Variants in MPDZ observed in about 807,000 individuals in gnomAD.
MPDZ encodes multiple PDZ domain crumbs cell polarity complex component.
MPDZ carries 234 observed loss-of-function variants against 239.1 expected under a neutral mutation model. The observed-to-expected ratio is 0.98, with a 90% CI of 0.88 to 1.09. The LOEUF (loss-of-function observed/expected upper bound fraction) is 1.09. Ranked by LOEUF, MPDZ falls within the 50% of genes least tolerant of loss-of-function variation. MPDZ has a pLI of 0.00. For missense variants in MPDZ, 3,175 were observed against 2,510.0 expected (o/e 1.26, Z -5.66); for synonymous variants, 1,048 against 881.3 (o/e 1.19, Z -3.35).
At chr9:13,202,918 T>A (rs917425139) in intron 12 of MPDZ, among the ~76,000 whole-genome samples, 3 of 152,164 alleles carry the variant, frequency 2.0e-5, no homozygotes, top group African/African-American at 7.2e-5. Flanking sequence ...TGTATGTATA[T>A]AGGAAGAAGG....
rs776927125 is a variant in MPDZ, at chr9:13,168,490, G to A, written c.3130C>T (p.Arg1044Ter). The A allele has an allele frequency of 4.3e-6, 7 of 1,613,216 alleles. No individual in the cohort carries two copies. The highest frequency in any genetic ancestry group is 2.2e-5 in the East Asian group (1 of 44,852). Reference protein sequence around the residue: ...RSIIHGGAISRDGRIAIGDCI... With the variant: ...RSIIHGGAIS ...TCCCCAATGGCAATCCGGCCATCTC[G>A]ACTAATGGCACCTCCATGAATAATG... is the stretch of plus-strand genomic sequence containing the variant. Residue 1044 changes from arginine (R) to a stop codon, truncating the protein, a stop_gained, in exon 22 of 47, where the codon CGA (arginine) becomes TGA (stop). Transcript: ENST00000319217. LOFTEE classifies it high-confidence loss of function.
intron 43 of MPDZ, among the ~76,000 whole-genome samples, chr9:13,111,792 T>C (rs768783229): frequency 1.3e-5 from 2 of 152,232 alleles, no homozygotes; most frequent in Non-Finnish European, 2.9e-5. Flanking sequence ...TAAAAATATG[T>C]ATTAGGAAAC....
intron 19 of MPDZ, among the ~76,000 whole-genome samples, chr9:13,180,784 G>T: frequency 6.6e-6 from 1 of 152,220 alleles, no homozygotes; most frequent in East Asian, 1.9e-4. Context: ...CCATAGAGGC[G>T]GGTATATTTT....
At chr9:13,245,009 T>A (rs949975882) in intron 3 of MPDZ, among the ~76,000 whole-genome samples, 1 of 152,156 alleles carries the variant, frequency 6.6e-6, no homozygotes, top group Non-Finnish European at 1.5e-5. Context: ...GTCATGCATA[T>A]AAAATTATAC....
At chr9:13,145,136 T>G (rs1197971069) in intron 26 of MPDZ, among the ~76,000 whole-genome samples, 1 of 152,048 alleles carries the variant, frequency 6.6e-6, no homozygotes, top group African/African-American at 2.4e-5. Flanking sequence ...AAGTATAGCA[T>G]AGGCACAGCA....
rs185355177 is a variant in MPDZ, at chr9:13,117,701, G to A, written c.5379+1801C>T. 4.4e-3 allele frequency among the ~76,000 whole-genome samples: 663 copies of A among 152,196 alleles called. 5 individuals carry two copies. Among genetic ancestry groups the A allele is most frequent in the Middle Eastern group, 0.014 (4 of 294 alleles). On this transcript the variant is annotated intron_variant, in intron 39 of 46. Coordinates refer to ENST00000319217, the MANE Select transcript of MPDZ (RefSeq NM_001378778.1). ...ACTCTATGTGCATGAGGAACTTTAC[G>A]TGCATGAAGTTGTGTATAGAGGATT...
intron 3 of MPDZ, among the ~76,000 whole-genome samples, chr9:13,246,660 ATT>A (rs1966660538): frequency 6.6e-6 from 1 of 152,152 alleles, no homozygotes; most frequent in South Asian, 2.1e-4. Context: ...AAACAAATTC[ATT>A]CTCTCTTATT....
chr9:13,224,568 A>T lies in MPDZ; in HGVS notation c.199T>A (p.Ser67Thr), dbSNP rs1285839665. 1.2e-6 allele frequency: 2 copies of T among 1,609,784 alleles called. No individual in the cohort carries two copies. The highest frequency in any genetic ancestry group is 2.7e-5 in the African/African-American group (2 of 74,790). ...GCATATTCAATATTTGAAGTTGCTG[A>T]AGTTGCAATATTTACCTAAGAGTAA... ...QLKDQVNIAT[S>T]ATSNIEYAHV... The change falls in exon 4 of 47, where the codon TCA becomes ACA. Residue 67 changes from serine to threonine, a missense_variant. Coordinates refer to ENST00000319217, the MANE Select transcript of MPDZ (RefSeq NM_001378778.1).
chr9:13,276,475 T>C, intron 1 of MPDZ: 1 of 152,214 alleles, frequency 6.6e-6, no homozygotes, highest in Non-Finnish European at 1.5e-5. Flanking sequence ...GGGTTGATAA[T>C]GTACGTAACA....
At chr9:13,154,362 T>C (rs1245138421) in intron 24 of MPDZ, among the ~76,000 whole-genome samples, 2 of 152,168 alleles carry the variant, frequency 1.3e-5, no homozygotes, top group East Asian at 1.9e-4. Context: ...TTGAGTTTTA[T>C]ACATAGGTTT....
chr9:13,126,635 T>C (rs549123570), intron 33 of MPDZ, 45 bp from the exon 34 acceptor site: 4 of 1,611,240 alleles, frequency 2.5e-6, no homozygotes, highest in Non-Finnish European at 3.4e-6. Context: ...CCAAAAGTAA[T>C]TCCCTCCCCA....
chr9:13,180,140 C>T (rs964987043), intron 19 of MPDZ, among the ~76,000 whole-genome samples: 1 of 151,648 alleles, frequency 6.6e-6, no homozygotes, highest in Non-Finnish European at 1.5e-5. Context: ...TTATTCTAAC[C>T]CCATCTGCAA....
chr9:13,165,072 T>G (rs149021649), intron 22 of MPDZ, among the ~76,000 whole-genome samples: 122 of 152,264 alleles, frequency 8.0e-4, no homozygotes, highest in African/African-American at 2.8e-3. Flanking sequence ...GCAGAGACTA[T>G]TCCTGCACGT....
rs1966330899 is a variant in MPDZ, at chr9:13,245,262, A to G, written c.183+2373T>C. ...ATATAAGTTTTTAAATTTTTACTCT[A>G]GTCATGTAAGAAAGAATCTGGTAAA... On this transcript the variant is annotated intron_variant, in intron 3 of 46. Transcript: ENST00000319217. Among the ~76,000 whole-genome samples, 3 of 152,008 alleles carry G rather than the reference A, an allele frequency of 2.0e-5. No homozygotes were observed. The South Asian group carries it at 6.2e-4, about 31-fold the overall frequency.
rs1958815327 is a variant in MPDZ, at chr9:13,219,584, G to A, written c.1061C>T (p.Ser354Phe). The change falls in exon 8 of 47, where the codon TCC becomes TTC. Residue 354 changes from serine (S) to phenylalanine (F), a missense_variant. Physicochemically the swap from Ser to Phe is radical, Grantham distance 155. Coordinates refer to ENST00000319217, the MANE Select transcript of MPDZ (RefSeq NM_001378778.1). Reference sequence around the variant, plus strand: ...CCGCAACTCTGGTGTTGAAGTTGGGGATGAGGAGAGGGTGATGCCCAAAGC... The same window carrying A: ...CCGCAACTCTGGTGTTGAAGTTGGGAATGAGGAGAGGGTGATGCCCAAAGC... The part of the protein sequence containing the change: ...PTALGITLSS[S>F]PTSTPELRVD... The A allele has an allele frequency of 6.2e-7, 1 of 1,612,050 alleles. No individual in the cohort carries two copies.
intron 22 of MPDZ, among the ~76,000 whole-genome samples, chr9:13,167,427 T>C (rs961681575): frequency 6.6e-6 from 1 of 152,110 alleles, no homozygotes; most frequent in Non-Finnish European, 1.5e-5. Context: ...TATACTTTTC[T>C]TCTTTTTATT....
chr9:13,119,803 T>C (rs1586936913), intron 38 of MPDZ, 154 bp from the exon 39 acceptor site: 1 of 759,728 alleles, frequency 1.3e-6, no homozygotes, highest in East Asian at 2.7e-5. Flanking sequence ...ACATTAGAAT[T>C]ATATTTTTTG....
intron 13 of MPDZ, 109 bp downstream of exon 13, chr9:13,196,012 T>C: frequency 1.4e-6 from 1 of 710,002 alleles, no homozygotes; most frequent in Non-Finnish European, 2.2e-6. Context: ...AAAAGGCCTG[T>C]ACATTTGATT....
intron 25 of MPDZ, among the ~76,000 whole-genome samples, chr9:13,149,509 T>G (rs1948876065): frequency 6.6e-6 from 1 of 152,046 alleles, no homozygotes. Context: ...GGTCAGGTAC[T>G]CCTTTCTCTA....
Sources: allele counts gnomAD v4.1 joint callset (sites outside exome capture counted in the v4.1 genomes callset), GRCh38; gene constraint gnomAD v4.1.1; transcripts MANE v1.5; gene names NCBI Gene and HGNC (gene_info 2026-07-23, HGNC 2026-07-21).